Variants in ERCC2 observed in about 807,000 individuals in gnomAD.
The protein encoded by ERCC2 is general transcription and DNA repair factor IIH helicase subunit XPD.
Under a neutral mutation model 99.4 loss-of-function variants are expected in ERCC2, and 90 were observed. The ratio of observed to expected loss-of-function variants is 0.91; its 90% CI spans 0.76 to 1.08. The LOEUF (loss-of-function observed/expected upper bound fraction) is 1.08, where lower values mean the gene tolerates loss of function less well. Ranked by LOEUF, ERCC2 falls within the 50% of genes least tolerant of loss-of-function variation. The pLI is 0.00. For missense variants in ERCC2, 993 were observed against 1,038.1 expected (o/e 0.96, Z 0.60); for synonymous variants, 497 against 432.4 (o/e 1.15, Z -1.85).
chr19:45,357,165 C>T (rs577017226), intron 15 of ERCC2, 105 bp downstream of exon 15: 87 of 787,042 alleles, frequency 1.1e-4, no homozygotes, highest in South Asian at 7.1e-4. Flanking sequence ...CCAGCCTCTT[C>T]GCTGTAAAGC....
intron 19 of ERCC2, 61 bp downstream of exon 19, chr19:45,353,022 G>C (rs3916879): frequency 1.3e-6 from 2 of 1,532,586 alleles, no homozygotes; most frequent in Admixed American, 1.7e-5. Flanking sequence ...ACAGCAGAGC[G>C]GGCAGGTGTT....
Position 45,351,093 on chromosome 19 carries a change from C to T in ERCC2, c.*536G>A, listed in dbSNP as rs184083004. ...AGAGATGAGGCAAAGGCAGGGCGGTCGGGCCAGTGGTGGAGTCAGCAGGTG... is the reference window on the plus strand; with the variant it reads ...AGAGATGAGGCAAAGGCAGGGCGGTTGGGCCAGTGGTGGAGTCAGCAGGTG... On this transcript the variant is annotated 3_prime_UTR_variant, in exon 23 of 23. Transcript: ENST00000391945. The T allele has an allele frequency of 7.0e-4, 1,135 of 1,611,168 alleles. 4 individuals are homozygous for T. The highest frequency in any genetic ancestry group is 3.2e-3 in the African/African-American group (241 of 74,962).
At position 45,350,291 on chromosome 19, in the gene ERCC2, G is replaced by C. The variant is rs763848138; in HGVS notation, c.*1338C>G. On this transcript the variant is annotated 3_prime_UTR_variant, in exon 23 of 23. Transcript: ENST00000391945. ...AAAAAAAAAGGCGGGACTGGATGCA[G>C]TGTTGGGAACTGGGGTCCGAAAAGT... 7.3e-7 allele frequency: 1 copy of C among 1,368,782 alleles called. No individual in the cohort carries two copies. The highest frequency in any genetic ancestry group is 2.3e-5 in the East Asian group (1 of 43,672). 84.8% of individuals were successfully genotyped at this position (1,368,782 alleles called of 1,614,324 possible).
At position 45,361,584 on chromosome 19, in the gene ERCC2, C is replaced by G. The variant is rs1486595851; in HGVS notation, c.1177G>C (p.Asp393His). ...GCAAGGAGGGTGAGCGGGGAGAAGT[C>G]AGCAAGGTCGGTGATCTCCAGAGTA... ...LHTLEITDLA[D>H]FSPLTLLANF... The change falls in exon 12 of 23, where the codon GAC becomes CAC. Residue 393 changes from aspartate (D) to histidine (H), a missense_variant. Around this residue, in one of 3 missense-constraint regions of ERCC2, gnomAD observed 909 missense variants for 930.8 expected, o/e 0.98. Transcript: ENST00000391945. The G allele has an allele frequency of 6.2e-7, 1 of 1,613,916 alleles. No individual in the cohort carries two copies. Among genetic ancestry groups the G allele is most frequent in the Non-Finnish European group, 8.5e-7 (1 of 1,179,962 alleles).
chr19:45,361,845 CACAG>C (rs751548540), intron 11 of ERCC2: 8 of 602,742 alleles, frequency 1.3e-5, no homozygotes, highest in African/African-American at 3.6e-5. Context: ...CGCATAATGG[CACAG>C]ACAGAGCAAT....
intron 7 of ERCC2, 72 bp from the exon 8 acceptor site, chr19:45,364,619 G>A: frequency 7.5e-6 from 12 of 1,594,326 alleles, no homozygotes; most frequent in Non-Finnish European, 9.4e-6. Context: ...GGCCACACTG[G>A]CCCGTCACTC....
intron 5 of ERCC2, among the ~76,000 whole-genome samples, chr19:45,366,845 C>A (rs975177416): frequency 6.6e-6 from 1 of 152,056 alleles, no homozygotes; most frequent in African/African-American, 2.4e-5. Flanking sequence ...ACCAGCCCGG[C>A]CAACATGATG....
In ERCC2 at chr19:45,352,298, G is replaced by C; in HGVS notation, c.2101C>G (p.Leu701Val). 4.3e-6 allele frequency: 7 copies of C among 1,614,150 alleles called. No homozygotes were observed. Among genetic ancestry groups the C allele is most frequent in the Non-Finnish European group, 5.9e-6 (7 of 1,180,030 alleles). Residue 701 changes from leucine (L) to valine (V), a missense_variant, in exon 22 of 23, where the codon CTC becomes GTC. Coordinates refer to ENST00000391945, the MANE Select transcript of ERCC2 (RefSeq NM_000400.4). The part of the protein sequence containing the change: ...GKLPRWIQEH[L>V]TDANLNLTVD... ...GTCAGGTTGAGGTTGGCATCTGTGA[G>C]GTGCTCCTGGATCCAGCGGGGCAGC...
At chr19:45,365,272 C>T in intron 5 of ERCC2, 114 bp from the exon 6 acceptor site, 1 of 786,416 alleles carries the variant, frequency 1.3e-6, no homozygotes, top group South Asian at 1.4e-5. Flanking sequence ...GAACCTCAGT[C>T]TGTTGCATTA....
intron 11 of ERCC2, chr19:45,361,939 CTTT>C (rs1329828108): frequency 7.8e-6 from 3 of 382,860 alleles, no homozygotes; most frequent in Non-Finnish European, 1.5e-5. Context: ...TTTTCTTTTT[CTTT>C]TTTTTCTTTG....
chr19:45,357,505 T>C lies in ERCC2; in HGVS notation c.1346A>G (p.Glu449Gly). 6.2e-7 allele frequency: 1 copy of C among 1,614,078 alleles called. No individual in the cohort carries two copies. Among genetic ancestry groups the C allele is most frequent in the East Asian group, 2.2e-5 (1 of 44,880 alleles). The change falls in exon 14 of 23, where the codon GAG becomes GGG. Residue 449 changes from glutamate (E) to glycine (G), a missense_variant. By Grantham distance (98) the Glu-to-Gly change is moderately conservative. Coordinates refer to ENST00000391945, the MANE Select transcript of ERCC2 (RefSeq NM_000400.4). Reference sequence around the variant, plus strand: ...TGTGATGATGACAGACTGGAAACGCTCAAATACGGGTTTGATGGCCAGCGA... The same window carrying C: ...TGTGATGATGACAGACTGGAAACGCCCAAATACGGGTTTGATGGCCAGCGA... Reference protein sequence around the residue: ...DASLAIKPVFERFQSVIITSG... With the variant: ...DASLAIKPVFGRFQSVIITSG...
chr19:45,351,425 GA>G lies in ERCC2; in HGVS notation c.*203del. The G allele has an allele frequency of 1.3e-6, 2 of 1,592,934 alleles. No homozygotes were observed. Among genetic ancestry groups the G allele is most frequent in the Admixed American group, 1.7e-5 (1 of 59,490 alleles). On this transcript the variant is annotated 3_prime_UTR_variant, in exon 23 of 23. Transcript: ENST00000391945. Reference sequence around the variant, plus strand: ...CAGGAGGGATGGGCTGGTGGGGTGAGAGGGGGTCTATCATCTCCTGGCCCCC... The same window carrying G: ...CAGGAGGGATGGGCTGGTGGGGTGAGGGGGGTCTATCATCTCCTGGCCCCC...
intron 5 of ERCC2, among the ~76,000 whole-genome samples, chr19:45,366,897 T>A (rs577279568): frequency 6.7e-4 from 102 of 151,800 alleles, no homozygotes; most frequent in African/African-American, 2.4e-3. Context: ...TAGCAGGGCG[T>A]GGTGGTGGGT....
chr19:45,352,391 C>A (rs188548445), intron 21 of ERCC2, 39 bp from the exon 22 acceptor site: 2 of 1,613,586 alleles, frequency 1.2e-6, no homozygotes, highest in Non-Finnish European at 8.5e-7. Flanking sequence ...GAAGGTCATT[C>A]GGGGAGCCTG....
Position 45,352,189 on chromosome 19 carries a change from G to A in ERCC2, c.2190+20C>T, listed in dbSNP as rs370385772. 183 of 1,612,846 alleles carry A rather than the reference G, an allele frequency of 1.1e-4. 2 individuals carry two copies. The South Asian group carries it at 1.8e-3, about 16-fold the overall frequency. ...GAAGCTCAGCCTGGGAGGGTGCCGG[G>A]AGGGGGACGCAGGCCTCACCCGGTG... On this transcript the variant is annotated intron_variant, in intron 22 of 22. Coordinates refer to ENST00000391945, the MANE Select transcript of ERCC2 (RefSeq NM_000400.4).
At chr19:45,354,460 G>A (rs1971941788) in intron 17 of ERCC2, among the ~76,000 whole-genome samples, 1 of 152,210 alleles carries the variant, frequency 6.6e-6, no homozygotes, top group African/African-American at 2.4e-5. Flanking sequence ...GAGAAGCAAG[G>A]AACCTAGAAC....
Position 45,350,513 on chromosome 19 carries a change from G to A in ERCC2, c.*1116C>T, listed in dbSNP as rs1395738410. On this transcript the variant is annotated 3_prime_UTR_variant, in exon 23 of 23. Coordinates refer to ENST00000391945, the MANE Select transcript of ERCC2 (RefSeq NM_000400.4). Reference sequence around the variant, plus strand: ...TCAGTGTCCCCCATCTTTCCCCCTAGGTGCCCCCAACACAGGCACAGCTGG... The same window carrying A: ...TCAGTGTCCCCCATCTTTCCCCCTAAGTGCCCCCAACACAGGCACAGCTGG... 3 of 1,613,402 alleles carry A rather than the reference G, an allele frequency of 1.9e-6. No individual in the cohort carries two copies. The highest frequency in any genetic ancestry group is 3.3e-4 in the Middle Eastern group (2 of 6,058).
At position 45,350,251 on chromosome 19, in the gene ERCC2, T is replaced by C; in HGVS notation, c.*1378A>G. 2.1e-6 allele frequency: 2 copies of C among 934,038 alleles called. No individual in the cohort carries two copies. Among genetic ancestry groups the C allele is most frequent in the Non-Finnish European group, 3.2e-6 (2 of 625,432 alleles). The allele number at this position is 934,038 out of a possible 1,614,324, so 57.9% of individuals were successfully genotyped here. ...AGCCTGGGCAACATACCAAGACCCC[T>C]GTCTCTACAAAAAAAAAAAAAAAGG... On this transcript the variant is annotated 3_prime_UTR_variant, in exon 23 of 23. Coordinates refer to ENST00000391945, the MANE Select transcript of ERCC2 (RefSeq NM_000400.4).
Position 45,350,358 on chromosome 19 carries a change from A to G in ERCC2, c.*1271T>C, listed in dbSNP as rs765863784. 6.2e-7 allele frequency: 1 copy of G among 1,613,470 alleles called. No individual in the cohort carries two copies. The highest frequency in any genetic ancestry group is 8.5e-7 in the Non-Finnish European group (1 of 1,179,918). On this transcript the variant is annotated 3_prime_UTR_variant, in exon 23 of 23. Coordinates refer to ENST00000391945, the MANE Select transcript of ERCC2 (RefSeq NM_000400.4). ...CTCCGCAGGCCTCAGCCTACCTGAAACAGAACAAGTATCAACAAGCGGAAG... is the reference window on the plus strand; with the variant it reads ...CTCCGCAGGCCTCAGCCTACCTGAAGCAGAACAAGTATCAACAAGCGGAAG...
Sources: gnomAD v4.1 joint callset for allele counts (sites outside exome capture counted in the v4.1 genomes callset) on GRCh38, gnomAD v4.1.1 for gene constraint, gnomAD v4.1.1 regional missense constraint, MANE v1.5 for transcripts, NCBI Gene and HGNC (gene_info 2026-07-23, HGNC 2026-07-21) for gene names.